TPCN1: variants seen among roughly 807,000 people sequenced by gnomAD.
TPCN1 encodes the protein two pore segment channel 1.
In TPCN1, 52 loss-of-function variants were observed where a neutral mutation model predicts 108.8. The ratio of observed to expected loss-of-function variants is 0.48; its 90% confidence interval spans 0.38 to 0.60. TPCN1 has a LOEUF of 0.60. Among genes scored for constraint, TPCN1 ranks in the 20% least tolerant of loss-of-function variants. The probability of loss-of-function intolerance (pLI) is 0.00; values close to 1 mark genes in which losing one functional copy is unlikely to be tolerated. For synonymous variants in TPCN1, 446 were observed against 433.7 expected, an observed-to-expected ratio of 1.03 and a Z score of -0.35; for missense variants, 806 against 1,072.8, an observed-to-expected ratio of 0.75 and a Z score of 3.47.
rs989680175 is a variant in TPCN1, at chr12:113,289,962, A to G, written c.1797-166A>G. ...CAGGAATAGCCAAGGGCATTCCTTC[A>G]GCAGGGACCCAGGCATGAGGTGGAG... On this transcript the variant is annotated intron_variant, in intron 21 of 27. Transcript: ENST00000335509. This position sits in a 1 kb window ranked among gnomAD's most constrained non-coding sequence, Gnocchi z 4.1. The G allele has an allele frequency of 3.5e-6, 2 of 567,102 alleles. No homozygotes were observed. Among genetic ancestry groups the G allele is most frequent in the African/African-American group, 3.8e-5 (2 of 52,270 alleles). 35.1% of individuals were successfully genotyped at this position (567,102 alleles called of 1,614,324 possible).
At position 113,278,205 on chromosome 12, in the gene TPCN1, G is replaced by A. The variant is rs771583641; in HGVS notation, c.1201G>A (p.Asp401Asn). Reference sequence around the variant, plus strand: ...TTTTGGTAGCCTAAAGGACTTTTACGATATCTACGAAGTTGCTGCTTTGAA... The same window carrying A: ...TTTTGGTAGCCTAAAGGACTTTTACAATATCTACGAAGTTGCTGCTTTGAA... Reference protein sequence around the residue: ...TPLLSLKDFYDIYEVAALKWK... With the variant: ...TPLLSLKDFYNIYEVAALKWK... The change falls in exon 13 of 28, where the codon GAT becomes AAT. Residue 401 changes from aspartate to asparagine, a missense_variant. Physicochemically the swap from Asp to Asn is conservative, Grantham distance 23. Coordinates refer to ENST00000335509, the MANE Select transcript of TPCN1 (RefSeq NM_017901.6). 26 of 1,613,604 alleles carry A rather than the reference G, an allele frequency of 1.6e-5. No individual in the cohort carries two copies. The highest frequency in any genetic ancestry group is 1.6e-4 in the Middle Eastern group (1 of 6,078).
chr12:113,259,254 G>A (rs1954935269), intron 2 of TPCN1, among the ~76,000 whole-genome samples: 1 of 152,184 alleles, frequency 6.6e-6, no homozygotes, highest in African/African-American at 2.4e-5. Flanking sequence ...TGGGATTACA[G>A]GCGTGAGCCA....
intron 26 of TPCN1, 34 bp downstream of exon 26, chr12:113,293,107 G>A (rs1207354727): frequency 1.9e-6 from 3 of 1,603,914 alleles, no homozygotes; most frequent in Non-Finnish European, 2.6e-6. Flanking sequence ...GAAGGAGGGA[G>A]GCAGGTTTCA....
At chr12:113,225,954 A>C (rs1953455060) in intron 1 of TPCN1, among the ~76,000 whole-genome samples, 1 of 152,140 alleles carries the variant, frequency 6.6e-6, no homozygotes, top group Non-Finnish European at 1.5e-5. Flanking sequence ...TCCTGGGCTC[A>C]AGTGAGCCTT....
chr12:113,259,630 A>G (rs1593138298), intron 2 of TPCN1, among the ~76,000 whole-genome samples: 1 of 152,222 alleles, frequency 6.6e-6, no homozygotes, highest in Non-Finnish European at 1.5e-5. Context: ...AACAACAGGG[A>G]AAGAGCCCCT....
chr12:113,291,508 C>T (rs1440980663), intron 23 of TPCN1, 101 bp from the exon 24 acceptor site: 7 of 971,828 alleles, frequency 7.2e-6, no homozygotes, highest in Admixed American at 2.1e-5. Context: ...CCACAAATCA[C>T]GGTGGGGTCT....
In TPCN1 at chr12:113,285,923, C is replaced by A; in HGVS notation, c.1488C>A (p.Gly496=). 1 of 1,614,190 alleles carries A rather than the reference C, an allele frequency of 6.2e-7. No individual in the cohort carries two copies. Among genetic ancestry groups the A allele is most frequent in the East Asian group, 2.2e-5 (1 of 44,870 alleles). Residue 496 remains glycine (G), a synonymous_variant, in exon 18 of 28, where the codon GGC becomes GGA. Transcript: ENST00000335509. ...TGGAGCTGTTCCTGAAGGTTGCCGGCCTGGGCCCTGTGGAGTACTTGTCTT... is the reference window on the plus strand; with the variant it reads ...TGGAGCTGTTCCTGAAGGTTGCCGGACTGGGCCCTGTGGAGTACTTGTCTT... ...YGVELFLKVA[G]LGPVEYLSSG...
In TPCN1 at chr12:113,245,496, G is replaced by T. The variant is rs1284877579; in HGVS notation, c.113-14872G>T. On this transcript the variant is annotated intron_variant, in intron 2 of 27. Coordinates refer to ENST00000335509, the MANE Select transcript of TPCN1 (RefSeq NM_017901.6). ...GGCGCCTGTAGTCCCAGCTACTCGG[G>T]AGGCTGAGGCAGGAGAATGGCGTGA... Among the ~76,000 whole-genome samples the T allele has an allele frequency of 1.4e-5, 2 of 145,844 alleles. 1 individual carries two copies. Among genetic ancestry groups the T allele is most frequent in the African/African-American group, 5.2e-5 (2 of 38,728 alleles).
rs1406293886 is a variant in TPCN1 at position 113,296,758 on chromosome 12, C to T, written c.*682C>T. 1 of 152,328 alleles carries T rather than the reference C, an allele frequency of 6.6e-6. No individual in the cohort carries two copies. Among genetic ancestry groups the T allele is most frequent in the East Asian group, 1.9e-4 (1 of 5,194 alleles). The allele number at this position is 152,328 out of a possible 1,614,324, so 9.4% of individuals were successfully genotyped here. A position where few individuals can be genotyped will look rare whatever the true frequency, so the allele number is the denominator to read the frequency against. Reference sequence around the variant, plus strand: ...AAGCCTCCCACCCAGCCTTCTCTGGCTTAACCCTTGTTGGCGAAAACTCTT... The same window carrying T: ...AAGCCTCCCACCCAGCCTTCTCTGGTTTAACCCTTGTTGGCGAAAACTCTT... On this transcript the variant is annotated 3_prime_UTR_variant, in exon 28 of 28. Transcript: ENST00000335509.
chr12:113,279,295 A>ATGTGTGTGTGTGTATATATATATG (rs1955781946), intron 14 of TPCN1, among the ~76,000 whole-genome samples: 1 of 134,404 alleles, frequency 7.4e-6, no homozygotes, highest in African/African-American at 2.8e-5. Flanking sequence ...AATAACACAT[A>ATGTGTGTGTGTGTATATATATATG]TGTGTGTGTG....
At chr12:113,263,631 A>G (rs879694751) in intron 3 of TPCN1, among the ~76,000 whole-genome samples, 10 of 152,360 alleles carry the variant, frequency 6.6e-5, no homozygotes, top group Middle Eastern at 3.4e-3. Flanking sequence ...GCTGGTGTGC[A>G]TGGATAATTG....
rs1040531387 is a variant in TPCN1 at position 113,273,737 on chromosome 12, G to C, written c.942+69G>C. 55 of 1,252,462 alleles carry C rather than the reference G, an allele frequency of 4.4e-5. No individual in the cohort carries two copies. The highest frequency in any genetic ancestry group is 4.0e-5 in the Non-Finnish European group (34 of 854,690). The allele number at this position is 1,252,462 out of a possible 1,614,324, so 77.6% of individuals were successfully genotyped here. Reference sequence around the variant, plus strand: ...ACCCATGCAGCACTAGGCACTGTGGGAGTGGAGAAGTGGGGACTGTCTTCT... The same window carrying C: ...ACCCATGCAGCACTAGGCACTGTGGCAGTGGAGAAGTGGGGACTGTCTTCT... On this transcript the variant is annotated intron_variant, in intron 10 of 27. Coordinates refer to ENST00000335509, the MANE Select transcript of TPCN1 (RefSeq NM_017901.6). This position sits in a 1 kb window ranked among gnomAD's most constrained non-coding sequence, Gnocchi z 4.0.
chr12:113,291,437 G>A (rs1048365724), intron 23 of TPCN1, 172 bp from the exon 24 acceptor site: 1 of 631,172 alleles, frequency 1.6e-6, no homozygotes, highest in Non-Finnish European at 2.8e-6. Flanking sequence ...TCCTTCAGCA[G>A]TCAGGAATTA....
intron 23 of TPCN1, among the ~76,000 whole-genome samples, chr12:113,291,356 C>G (rs1300462446): frequency 2.0e-5 from 3 of 152,212 alleles, no homozygotes; most frequent in Non-Finnish European, 4.4e-5. Flanking sequence ...TAAACTTTCC[C>G]GACTCCCAGC....
chr12:113,241,767 T>C (rs932141676), intron 2 of TPCN1, among the ~76,000 whole-genome samples: 1 of 146,992 alleles, frequency 6.8e-6, no homozygotes, highest in Admixed American at 6.7e-5. Flanking sequence ...TCTGCGTGTG[T>C]GTGTGTGTGT....
At position 113,273,710 on chromosome 12, in the gene TPCN1, C is replaced by G. The variant is rs749295629; in HGVS notation, c.942+42C>G. Reference sequence around the variant, plus strand: ...CAGGCTACGCTGAAGCAGCCTGCCCCTACCCATGCAGCACTAGGCACTGTG... The same window carrying G: ...CAGGCTACGCTGAAGCAGCCTGCCCGTACCCATGCAGCACTAGGCACTGTG... On this transcript the variant is annotated intron_variant, in intron 10 of 27. Coordinates refer to ENST00000335509, the MANE Select transcript of TPCN1 (RefSeq NM_017901.6). The surrounding 1 kb of genome is among the most constrained non-coding windows in gnomAD (Gnocchi z 4.0). The G allele has an allele frequency of 1.9e-5, 29 of 1,495,778 alleles. No individual in the cohort carries two copies. In the Admixed American group the frequency reaches 4.8e-4, roughly 25 times the overall value. 92.7% of individuals were successfully genotyped at this position (1,495,778 alleles called of 1,614,324 possible).
intron 3 of TPCN1, among the ~76,000 whole-genome samples, chr12:113,264,654 G>A (rs1176993363): frequency 1.3e-5 from 2 of 151,586 alleles, no homozygotes; most frequent in Non-Finnish European, 2.9e-5. Context: ...ACTCCAGCCT[G>A]GGTGACAGAG....
intron 2 of TPCN1, 88 bp from the exon 3 acceptor site, chr12:113,260,280 G>A: frequency 7.1e-7 from 1 of 1,398,606 alleles, no homozygotes; most frequent in Non-Finnish European, 9.4e-7. Flanking sequence ...AGCATATGAA[G>A]GGACTGCCAG....
chr12:113,233,083 G>A (rs78397758), intron 2 of TPCN1, among the ~76,000 whole-genome samples: 6,865 of 152,260 alleles, frequency 0.045, 199 homozygotes, highest in Middle Eastern at 0.1. Context: ...CCAGCATGCT[G>A]GGCGAGAGCC....
Sources: gnomAD v4.1 joint callset for allele counts (sites outside exome capture counted in the v4.1 genomes callset) on GRCh38, gnomAD v4.1.1 for gene constraint, Gnocchi (gnomAD v3.1) non-coding constraint, MANE v1.5 for transcripts, NCBI Gene and HGNC (gene_info 2026-07-23, HGNC 2026-07-21) for gene names.